The following SLC36A1 variants were observed in gnomAD, a reference collection of about 807,000 sequenced individuals.
SLC36A1 encodes the protein solute carrier family 36 member 1, also known as proton-coupled amino acid transporter 1.
A neutral mutation model predicts 47.5 loss-of-function variants in SLC36A1; 30 were observed. The ratio of observed to expected loss-of-function variants is 0.63; its 90% CI spans 0.47 to 0.86. The LOEUF (loss-of-function observed/expected upper bound fraction) is 0.86, where lower values mean the gene tolerates loss of function less well. SLC36A1 is among the 40% of genes least tolerant of loss of function. SLC36A1 has a pLI of 0.00. For missense variants in SLC36A1, 517 were observed against 606.0 expected (o/e 0.85, Z 1.54); for synonymous variants, 255 against 249.7 (o/e 1.02, Z -0.20).
the SLC36A1 span, chr5:151,378,174 T>C: frequency 3.5e-6 from 1 of 284,404 alleles, no homozygotes; most frequent in African/African-American, 2.3e-5. Context: ...TCATTCACTT[T>C]TATTTATAGG....
the SLC36A1 span, chr5:151,507,548 C>G: frequency 2.7e-4 from 436 of 1,614,098 alleles, no homozygotes; most frequent in Non-Finnish European, 3.3e-4. Flanking sequence ...CCCAGTCCCC[C>G]CTTTGGATCT....
At chr5:151,456,686 G>A (rs1301393355) in intron 1 of SLC36A1, among the ~76,000 whole-genome samples, 2 of 152,178 alleles carry the variant, frequency 1.3e-5, no homozygotes, top group African/African-American at 4.8e-5. Context: ...AAGCTAGGCA[G>A]GATCGTCTCT....
Position 151,484,298 on chromosome 5 carries a change from G to A in SLC36A1, c.1160-3685G>A, listed in dbSNP as rs141009611. On this transcript the variant is annotated intron_variant, in intron 10 of 10. Coordinates refer to ENST00000243389, the MANE Select transcript of SLC36A1 (RefSeq NM_078483.4). ...AATAAAGGCCTCCTGTCTCTTGAGC[G>A]GACATCAGCATTTGTGGAGATGCTT... 3.9e-3 allele frequency among the ~76,000 whole-genome samples: 598 copies of A among 152,308 alleles called. 6 individuals are homozygous for A. Among genetic ancestry groups the A allele is most frequent in the African/African-American group, 0.013 (551 of 41,556 alleles).
intron 5 of SLC36A1, 94 bp from the exon 6 acceptor site, chr5:151,467,105 C>A: frequency 1.0e-6 from 1 of 954,806 alleles, no homozygotes; most frequent in Non-Finnish European, 1.6e-6. Context: ...CTCCCTAAAT[C>A]TATTAAAAAA....
At chr5:151,483,067 T>A (rs927355120) in intron 10 of SLC36A1, among the ~76,000 whole-genome samples, 2 of 152,006 alleles carry the variant, frequency 1.3e-5, no homozygotes, top group African/African-American at 4.8e-5. Context: ...TAAAAATAAA[T>A]AAATAAAAGT....
intron 2 of SLC36A1, among the ~76,000 whole-genome samples, chr5:151,459,441 C>T (rs1183223375): frequency 6.6e-6 from 1 of 152,244 alleles, no homozygotes; most frequent in Non-Finnish European, 1.5e-5. Flanking sequence ...AATCTCTTGT[C>T]TCCAGAAACT....
At chr5:151,534,970 A>AATATATATAT in the SLC36A1 span, among the ~76,000 whole-genome samples, 1,060 of 106,358 alleles carry the variant, frequency 1.0e-2, 37 homozygotes, top group Middle Eastern at 0.022. Context: ...CTTCTAGGAA[A>AATATATATAT]ATATATATAT....
the SLC36A1 span, among the ~76,000 whole-genome samples, chr5:151,392,908 T>C: frequency 0.018 from 2,816 of 152,266 alleles, 68 homozygotes; most frequent in Non-Finnish European, 0.022. Context: ...TCTGTAGATG[T>C]CTATTAGGTC....
chr5:151,541,964 C>G, the SLC36A1 span, among the ~76,000 whole-genome samples: 1 of 152,194 alleles, frequency 6.6e-6, no homozygotes, highest in East Asian at 1.9e-4. Context: ...TTCTTGGTGC[C>G]TCCTCCATCT....
downstream of SLC36A1, among the ~76,000 whole-genome samples, chr5:151,496,816 A>G (rs1760357626): frequency 6.6e-6 from 1 of 152,186 alleles, no homozygotes; most frequent in African/African-American, 2.4e-5. Flanking sequence ...ACTATTTGTT[A>G]TTTTAACCAT....
the SLC36A1 span, among the ~76,000 whole-genome samples, chr5:151,538,218 AAG>A: frequency 2.0e-5 from 3 of 152,234 alleles, no homozygotes; most frequent in Admixed American, 2.0e-4. Context: ...CGAGTCAGAA[AAG>A]AGAGAATGGA....
intron 2 of SLC36A1, 131 bp downstream of exon 2, chr5:151,459,066 G>A (rs187463917): frequency 1.8e-5 from 18 of 1,002,066 alleles, no homozygotes; most frequent in African/African-American, 8.1e-5. Flanking sequence ...GAGATTGGGC[G>A]AGTGACTGCG....
intron 8 of SLC36A1, among the ~76,000 whole-genome samples, chr5:151,475,553 A>G (rs983703554): frequency 1.3e-5 from 2 of 152,240 alleles, no homozygotes; most frequent in Non-Finnish European, 2.9e-5. Context: ...GTCACAGGCC[A>G]GATATGGGCT....
chr5:151,394,439 C>T, the SLC36A1 span, among the ~76,000 whole-genome samples: 7 of 152,246 alleles, frequency 4.6e-5, no homozygotes, highest in African/African-American at 1.7e-4. Flanking sequence ...TGTTCCATTG[C>T]TGGCGAGGAG....
At chr5:151,509,802 C>G in the SLC36A1 span, 1 of 539,300 alleles carries the variant, frequency 1.9e-6, no homozygotes, top group Non-Finnish European at 3.3e-6. Context: ...GAAACCATCT[C>G]CCGTTTCTCC....
At chr5:151,472,369 A>G (rs1757431113) in intron 7 of SLC36A1, among the ~76,000 whole-genome samples, 1 of 152,262 alleles carries the variant, frequency 6.6e-6, no homozygotes, top group African/African-American at 2.4e-5. Flanking sequence ...GATTGTGCCC[A>G]TCCAGATTAA....
rs142064945 is a variant in SLC36A1, at chr5:151,458,870, G to C, written c.78G>C (p.Ser26=). The C allele has an allele frequency of 1.9e-6, 3 of 1,614,018 alleles. No individual in the cohort carries two copies. The highest frequency in any genetic ancestry group is 2.5e-6 in the Non-Finnish European group (3 of 1,180,000). ...ACGTGAGCCCTGAGGAGAGCCCGTC[G>C]GAAGGCCTCAACAACCTCTCCTCCC... is the stretch of plus-strand genomic sequence containing the variant. ...STDVSPEESP[S]EGLNNLSSPG... Residue 26 remains serine, a synonymous_variant, in exon 2 of 11, where the codon TCG becomes TCC. Coordinates refer to ENST00000243389, the MANE Select transcript of SLC36A1 (RefSeq NM_078483.4).
At chr5:151,533,475 G>C in the SLC36A1 span, among the ~76,000 whole-genome samples, 2 of 150,626 alleles carry the variant, frequency 1.3e-5, no homozygotes, top group African/African-American at 4.9e-5. Flanking sequence ...TGTGTTGACT[G>C]TTTGCCCTCC....
the SLC36A1 span, among the ~76,000 whole-genome samples, chr5:151,413,818 G>A: frequency 0.17 from 25,479 of 151,670 alleles, 2,372 homozygotes; most frequent in East Asian, 0.38. Context: ...GATTCATTTC[G>A]GAAAGGTATA....
Sources: allele counts gnomAD v4.1 joint callset (sites outside exome capture counted in the v4.1 genomes callset), GRCh38; gene constraint gnomAD v4.1.1; transcripts MANE v1.5; gene names NCBI Gene and HGNC (gene_info 2026-07-23, HGNC 2026-07-21).